DYM: variants seen among roughly 807,000 people sequenced by gnomAD.
The protein encoded by DYM is dyggve-Melchior-Clausen syndrome protein.
DYM carries 78 observed loss-of-function variants against 93.1 expected under a neutral mutation model. The observed-to-expected ratio is 0.84, with a 90% CI of 0.70 to 1.01. The LOEUF (loss-of-function observed/expected upper bound fraction) is 1.01. Among genes scored for constraint, DYM ranks in the 50% least tolerant of loss-of-function variants. The probability of loss-of-function intolerance (pLI) is 0.00; values close to 1 mark genes in which losing one functional copy is unlikely to be tolerated. For missense variants in DYM, 789 were observed against 845.0 expected (o/e 0.93, Z 0.82); for synonymous variants, 321 against 319.7 (o/e 1.00, Z -0.04).
intron 15 of DYM, among the ~76,000 whole-genome samples, chr18:49,146,943 C>G (rs1232876177): frequency 2.0e-5 from 3 of 152,224 alleles, no homozygotes; most frequent in African/African-American, 7.2e-5. Flanking sequence ...TGACTTCAAA[C>G]TACACTACAA....
chr18:49,452,045 T>C (rs1421777250), intron 1 of DYM, among the ~76,000 whole-genome samples: 1 of 152,230 alleles, frequency 6.6e-6, no homozygotes, highest in East Asian at 1.9e-4. Flanking sequence ...GGGTTATACA[T>C]GGCAGTGTGT....
chr18:49,378,134 C>A (rs1461271127), intron 5 of DYM, among the ~76,000 whole-genome samples: 1 of 152,172 alleles, frequency 6.6e-6, no homozygotes, highest in Admixed American at 6.5e-5. Context: ...GACACTCAGA[C>A]CCAGAAGCTA....
At chr18:49,289,745 A>G (rs752895178) in intron 8 of DYM, among the ~76,000 whole-genome samples, 16,869 of 61,832 alleles carry the variant, frequency 0.27, 1,736 homozygotes, top group Non-Finnish European at 0.3. Flanking sequence ...ATATATATAT[A>G]TATATATATA....
In DYM at chr18:49,039,123, G is replaced by C. The variant is rs926945271; in HGVS notation, c.*4932C>G. On this transcript the variant is annotated 3_prime_UTR_variant, in exon 18 of 18. Coordinates refer to ENST00000675505, the MANE Select transcript of DYM (RefSeq NM_001353214.3). ...GGCGTGCTGATTAATTCTTCTAGCT[G>C]TTTCTCTAAAAATGTCTTCATATCC... Among the ~76,000 whole-genome samples, 1 of 152,082 alleles carries C rather than the reference G, an allele frequency of 6.6e-6. No individual in the cohort carries two copies.
At chr18:49,370,489 G>C (rs181742501) in intron 5 of DYM, among the ~76,000 whole-genome samples, 138 of 152,148 alleles carry the variant, frequency 9.1e-4, no homozygotes, top group African/African-American at 3.2e-3. Context: ...AACTATAGGC[G>C]GGTTCAGTGG....
chr18:49,409,573 A>T (rs961472803), intron 2 of DYM, among the ~76,000 whole-genome samples: 2 of 152,190 alleles, frequency 1.3e-5, no homozygotes, highest in Non-Finnish European at 2.9e-5. Flanking sequence ...CCCTTCATTC[A>T]TCAACAGAGT....
At chr18:49,049,498 A>T (rs2072097084) in intron 17 of DYM, among the ~76,000 whole-genome samples, 1 of 152,238 alleles carries the variant, frequency 6.6e-6, no homozygotes, top group Non-Finnish European at 1.5e-5. Flanking sequence ...CTTAAGGTTT[A>T]CTATACTCTG....
intron 3 of DYM, among the ~76,000 whole-genome samples, chr18:49,386,829 G>C (rs941518942): frequency 6.6e-6 from 1 of 152,082 alleles, no homozygotes; most frequent in Non-Finnish European, 1.5e-5. Flanking sequence ...TTGAAGGTTT[G>C]TGGCAACCTT....
rs1202905420 is a variant in DYM at position 49,040,809 on chromosome 18, A to G, written c.*3246T>C. Among the ~76,000 whole-genome samples, 1 of 152,216 alleles carries G rather than the reference A, an allele frequency of 6.6e-6. No individual in the cohort carries two copies. The highest frequency in any genetic ancestry group is 2.4e-5 in the African/African-American group (1 of 41,450). On this transcript the variant is annotated 3_prime_UTR_variant, in exon 18 of 18. Coordinates refer to ENST00000675505, the MANE Select transcript of DYM (RefSeq NM_001353214.3). ...AATTATGCAGAGAGCTCTACCACCC[A>G]ATGCAAAACCCTGGCTCCCGGAATC...
intron 17 of DYM, among the ~76,000 whole-genome samples, chr18:49,086,479 C>T (rs181431976): frequency 4.9e-4 from 75 of 152,296 alleles, no homozygotes; most frequent in African/African-American, 1.6e-3. Context: ...CCTCTCAATA[C>T]GGCTGCACTG....
At chr18:49,436,080 A>G (rs76171250) in intron 1 of DYM, among the ~76,000 whole-genome samples, 308 of 152,322 alleles carry the variant, frequency 2.0e-3, no homozygotes, top group African/African-American at 6.8e-3. Context: ...TGGCATGAAC[A>G]TAATTCACTG....
At chr18:49,423,341 A>C (rs1184567585) in intron 2 of DYM, among the ~76,000 whole-genome samples, 1 of 152,240 alleles carries the variant, frequency 6.6e-6, no homozygotes, top group Admixed American at 6.5e-5. Context: ...GTTCTTTGAA[A>C]CCAACGAGAA....
intron 13 of DYM, among the ~76,000 whole-genome samples, chr18:49,253,830 TTC>T: frequency 6.6e-6 from 1 of 152,178 alleles, no homozygotes; most frequent in Non-Finnish European, 1.5e-5. Flanking sequence ...CAATCACACT[TTC>T]TTTTTTGTTG....
intron 15 of DYM, among the ~76,000 whole-genome samples, chr18:49,124,017 C>G (rs1303185306): frequency 6.6e-6 from 1 of 152,170 alleles, no homozygotes; most frequent in East Asian, 1.9e-4. Flanking sequence ...GAAACTTATA[C>G]TTCAAAAATT....
At chr18:49,064,580 T>C (rs1461170257) in intron 17 of DYM, among the ~76,000 whole-genome samples, 1 of 152,180 alleles carries the variant, frequency 6.6e-6, no homozygotes, top group Non-Finnish European at 1.5e-5. Context: ...GATTAAATTC[T>C]ACTTGAAAAC....
chr18:49,237,045 A>G (rs1324490024), intron 13 of DYM, among the ~76,000 whole-genome samples: 1 of 152,126 alleles, frequency 6.6e-6, no homozygotes, highest in Non-Finnish European at 1.5e-5. Flanking sequence ...TTCATGCTCA[A>G]TTTTATTAAG....
At chr18:49,412,150 ATAAC>A (rs763271880) in intron 2 of DYM, among the ~76,000 whole-genome samples, 3 of 152,060 alleles carry the variant, frequency 2.0e-5, no homozygotes, top group Non-Finnish European at 2.9e-5. Context: ...GAAAGGAAAT[ATAAC>A]TATTAAAATG....
At chr18:49,054,361 C>T (rs1389351808) in intron 17 of DYM, among the ~76,000 whole-genome samples, 1 of 152,158 alleles carries the variant, frequency 6.6e-6, no homozygotes, top group African/African-American at 2.4e-5. Flanking sequence ...CCTGCCTCAG[C>T]CTCTCAAGTA....
intron 14 of DYM, chr18:49,206,683 G>A (rs2092527566): frequency 6.5e-6 from 1 of 152,712 alleles, no homozygotes; most frequent in African/African-American, 2.4e-5. Context: ...GGGGGTATGG[G>A]GAGGAAGCCT....
Sources: allele counts gnomAD v4.1 joint callset (sites outside exome capture counted in the v4.1 genomes callset), GRCh38; gene constraint gnomAD v4.1.1; transcripts MANE v1.5; gene names NCBI Gene and HGNC (gene_info 2026-07-23, HGNC 2026-07-21).